PTPN14: variants seen among roughly 807,000 people sequenced by gnomAD.
PTPN14 encodes the protein protein tyrosine phosphatase non-receptor type 14, also known as tyrosine-protein phosphatase non-receptor type 14.
Under a neutral mutation model 126.8 loss-of-function variants are expected in PTPN14, and 53 were observed. That is an observed-to-expected ratio of 0.42 (90% CI 0.34 to 0.53). The LOEUF (loss-of-function observed/expected upper bound fraction) is 0.53, where lower values mean the gene tolerates loss of function less well. Ranked by LOEUF, PTPN14 falls within the 20% of genes least tolerant of loss-of-function variation. The pLI, the probability that PTPN14 is intolerant of heterozygous loss-of-function variation, is 0.08. For synonymous variants in PTPN14, 630 were observed against 599.3 expected, an observed-to-expected ratio of 1.05 and a Z score of -0.75; for missense variants, 1,257 against 1,552.9, an observed-to-expected ratio of 0.81 and a Z score of 3.20.
rs1048765538 is a variant in PTPN14 at position 214,418,297 on chromosome 1, CTTTG to C, written c.345-3575_345-3572del. Among the ~76,000 whole-genome samples, 79 of 152,338 alleles carry C rather than the reference CTTTG, an allele frequency of 5.2e-4. 1 individual carries two copies. The highest frequency in any genetic ancestry group is 1.9e-3 in the African/African-American group (77 of 41,586). ...TCTGTCAGGTGGGCAGCAAATAAAC[CTTTG>C]TTTGTGAAAGCCACAGAAGCTTGGG... On this transcript the variant is annotated intron_variant, in intron 3 of 18. Coordinates refer to ENST00000366956, the MANE Select transcript of PTPN14 (RefSeq NM_005401.5).
chr1:214,533,363 G>A (rs1655603821), intron 1 of PTPN14: 1 of 475,048 alleles, frequency 2.1e-6, no homozygotes, highest in African/African-American at 2.0e-5. Context: ...CAATCTTGGT[G>A]ATGGACAGCA....
At chr1:214,399,033 C>T (rs112087220) in intron 7 of PTPN14, among the ~76,000 whole-genome samples, 1,729 of 149,858 alleles carry the variant, frequency 0.012, 27 homozygotes, top group African/African-American at 0.039. Context: ...TCCCAAAGTG[C>T]TGGGATTACA....
chr1:214,476,576 C>T (rs1022465447), intron 1 of PTPN14, among the ~76,000 whole-genome samples: 4 of 152,156 alleles, frequency 2.6e-5, no homozygotes, highest in African/African-American at 9.7e-5. Flanking sequence ...CAGTGAGCAG[C>T]AGCTAAGCCA....
At chr1:214,371,449 G>A (rs1446675293) in intron 16 of PTPN14, among the ~76,000 whole-genome samples, 2 of 152,186 alleles carry the variant, frequency 1.3e-5, no homozygotes, top group Non-Finnish European at 2.9e-5. Context: ...GAGGAGGGAT[G>A]AGGCAGGAGG....
chr1:214,419,742 G>A (rs909862392), intron 3 of PTPN14, among the ~76,000 whole-genome samples: 4 of 152,154 alleles, frequency 2.6e-5, no homozygotes, highest in Non-Finnish European at 5.9e-5. Context: ...GTACAGGAGA[G>A]CAAAGGGGAA....
intron 2 of PTPN14, among the ~76,000 whole-genome samples, chr1:214,456,553 T>C (rs2102641115): frequency 6.6e-6 from 1 of 152,306 alleles, no homozygotes; most frequent in East Asian, 1.9e-4. Context: ...AATTAACAAC[T>C]GCACCCTCTT....
rs1457109169 is a variant in PTPN14, at chr1:214,431,375, G to A, written c.345-16649C>T. Among the ~76,000 whole-genome samples, 27 of 133,856 alleles carry A rather than the reference G, an allele frequency of 2.0e-4. 1 individual carries two copies. The highest frequency in any genetic ancestry group is 3.3e-5 in the Non-Finnish European group (2 of 60,522). The allele number at this position is 133,856 out of a possible 152,430, so 87.8% of individuals were successfully genotyped here. A position where few individuals can be genotyped will look rare whatever the true frequency, so the allele number is the denominator to read the frequency against. On this transcript the variant is annotated intron_variant, in intron 3 of 18. Transcript: ENST00000366956. The stretch of plus-strand genomic sequence containing the variant: ...CAAATAATAATGATGATAGTGTTAG[G>A]TACTACAAAGTGTGCTTTTCTGTTT...
At chr1:214,385,491 G>GC (rs1658586554) in intron 12 of PTPN14, among the ~76,000 whole-genome samples, 1 of 136,358 alleles carries the variant, frequency 7.3e-6, no homozygotes, top group Non-Finnish European at 1.5e-5. Context: ...CTACAATCAG[G>GC]CCCAACCTGA....
intron 1 of PTPN14, among the ~76,000 whole-genome samples, chr1:214,522,405 C>CA (rs1655282716): frequency 6.6e-6 from 1 of 152,090 alleles, no homozygotes; most frequent in East Asian, 1.9e-4. Context: ...ATCTTGTTTT[C>CA]AAAAACAGTA....
Position 214,384,549 on chromosome 1 carries a change from C to A in PTPN14, c.1306G>T (p.Val436Leu). ...TCGGGGGTTGGCCTGTACGAGGGCA[C>A]GATGATCGCGCTGTGCCGGTGGCTC... ...IPSHRHSAII[V>L]PSYRPTPDYE... Residue 436 changes from valine (V) to leucine (L), a missense_variant, in exon 13 of 19, where the codon GTG (valine) becomes TTG (leucine). Coordinates refer to ENST00000366956, the MANE Select transcript of PTPN14 (RefSeq NM_005401.5). The surrounding 1 kb of genome is among the most constrained non-coding windows in gnomAD (Gnocchi z 5.3). 1 of 1,614,030 alleles carries A rather than the reference C, an allele frequency of 6.2e-7. No individual in the cohort carries two copies. The highest frequency in any genetic ancestry group is 1.1e-5 in the South Asian group (1 of 91,056).
At chr1:214,462,677 C>T (rs1156599582) in intron 2 of PTPN14, among the ~76,000 whole-genome samples, 2 of 152,190 alleles carry the variant, frequency 1.3e-5, no homozygotes, top group African/African-American at 4.8e-5. Context: ...GGGCCTACCC[C>T]TGCATTCTAT....
At chr1:214,471,868 A>G (rs1660766262) in intron 1 of PTPN14, among the ~76,000 whole-genome samples, 1 of 152,226 alleles carries the variant, frequency 6.6e-6, no homozygotes, top group African/African-American at 2.4e-5. Flanking sequence ...GCATGTGTAT[A>G]TCATCCAGTG....
At chr1:214,525,303 T>G (rs767867009) in intron 1 of PTPN14, among the ~76,000 whole-genome samples, 6 of 152,204 alleles carry the variant, frequency 3.9e-5, no homozygotes, top group Non-Finnish European at 8.8e-5. Context: ...GGGACACTTT[T>G]CTAAAATGAT....
chr1:214,364,011 G>A lies in PTPN14; in HGVS notation c.3435+501C>T, dbSNP rs550005158. Among the ~76,000 whole-genome samples the A allele has an allele frequency of 5.3e-5, 8 of 152,054 alleles. No homozygotes were observed. Among genetic ancestry groups the A allele is most frequent in the Non-Finnish European group, 7.4e-5 (5 of 68,016 alleles). On this transcript the variant is annotated intron_variant, in intron 18 of 18. Coordinates refer to ENST00000366956, the MANE Select transcript of PTPN14 (RefSeq NM_005401.5). The surrounding 1 kb of genome is among the most constrained non-coding windows in gnomAD (Gnocchi z 4.1). ...GTGCTCAAAGTATCTACTCTGCTCC[G>A]CTACACCACGCAACAACCAGACTAG...
At chr1:214,536,580 T>C (rs1431043452) in intron 1 of PTPN14, among the ~76,000 whole-genome samples, 1 of 151,130 alleles carries the variant, frequency 6.6e-6, no homozygotes, top group African/African-American at 2.4e-5. Context: ...AGCCCAAGAG[T>C]TCGAGACCAG....
chr1:214,446,823 T>G (rs1487861037), intron 3 of PTPN14, among the ~76,000 whole-genome samples: 1 of 152,190 alleles, frequency 6.6e-6, no homozygotes, highest in Non-Finnish European at 1.5e-5. Context: ...TGACTAATGC[T>G]ATAGAACCTG....
At chr1:214,399,188 T>A (rs1658959684) in intron 7 of PTPN14, among the ~76,000 whole-genome samples, 1 of 152,182 alleles carries the variant, frequency 6.6e-6, no homozygotes, top group Admixed American at 6.5e-5. Flanking sequence ...AGGCATCACA[T>A]CCCATTTCTC....
At chr1:214,470,933 G>C (rs764599318) in intron 1 of PTPN14, among the ~76,000 whole-genome samples, 29 of 150,898 alleles carry the variant, frequency 1.9e-4, no homozygotes, top group Non-Finnish European at 3.7e-4. Context: ...GCTGACACAG[G>C]AGAATCACTT....
At chr1:214,449,286 G>A (rs975631774) in intron 3 of PTPN14, among the ~76,000 whole-genome samples, 27 of 152,086 alleles carry the variant, frequency 1.8e-4, no homozygotes, top group African/African-American at 6.0e-4. Flanking sequence ...GATTACAGGC[G>A]TGAGCCACCG....
Sources: allele counts gnomAD v4.1 joint callset (sites outside exome capture counted in the v4.1 genomes callset), GRCh38; gene constraint gnomAD v4.1.1; non-coding constraint Gnocchi (gnomAD v3.1); transcripts MANE v1.5; gene names NCBI Gene and HGNC (gene_info 2026-07-23, HGNC 2026-07-21).